The following FBXW8 variants were observed in gnomAD, a reference collection of about 807,000 sequenced individuals.
FBXW8 encodes F-box/WD repeat-containing protein 8.
In FBXW8, 57 loss-of-function variants were observed where a neutral mutation model predicts 65.3. That is an observed-to-expected ratio of 0.87 (90% CI 0.71 to 1.09). FBXW8 has a LOEUF of 1.09. FBXW8 is among the 50% of genes least tolerant of loss of function. FBXW8 has a pLI of 0.00. For synonymous variants in FBXW8, 308 were observed against 330.2 expected, an observed-to-expected ratio of 0.93 and a Z score of 0.73; for missense variants, 777 against 814.8, an observed-to-expected ratio of 0.95 and a Z score of 0.57.
At position 117,028,405 on chromosome 12, in the gene FBXW8, T is replaced by G; in HGVS notation, c.*233T>G. On this transcript the variant is annotated 3_prime_UTR_variant, in exon 11 of 11. Coordinates refer to ENST00000652555, the MANE Select transcript of FBXW8 (RefSeq NM_153348.3). This position sits in a 1 kb window ranked among gnomAD's most constrained non-coding sequence, Gnocchi z 4.1. Reference sequence around the variant, plus strand: ...TGCTGCCAACTCAAACATAGCCTCCTTCCCCACCCAGCTGGCCACCCTGGC... The same window carrying G: ...TGCTGCCAACTCAAACATAGCCTCCGTCCCCACCCAGCTGGCCACCCTGGC... The G allele has an allele frequency of 2.6e-5, 14 of 547,230 alleles. No individual in the cohort carries two copies. The highest frequency in any genetic ancestry group is 4.5e-5 in the Non-Finnish European group (14 of 307,960). 33.9% of individuals were successfully genotyped at this position (547,230 alleles called of 1,614,324 possible).
intron 5 of FBXW8, among the ~76,000 whole-genome samples, chr12:116,984,352 G>C (rs536210913): frequency 6.6e-6 from 1 of 152,170 alleles, no homozygotes; most frequent in Non-Finnish European, 1.5e-5. Context: ...CCTGGAGAAA[G>C]GGTGTGTGGC....
At chr12:117,016,208 T>C (rs1228816366) in intron 8 of FBXW8, among the ~76,000 whole-genome samples, 1 of 152,240 alleles carries the variant, frequency 6.6e-6, no homozygotes, top group African/African-American at 2.4e-5. Context: ...GCTTATGTGG[T>C]AATTCTGTGT....
intron 5 of FBXW8, among the ~76,000 whole-genome samples, chr12:116,974,559 A>G (rs78130098): frequency 3.0e-4 from 46 of 152,358 alleles, no homozygotes; most frequent in African/African-American, 1.1e-3. Context: ...ATAAACTTCC[A>G]TACTATTTTG....
At chr12:116,921,277 C>G (rs530872395) in intron 1 of FBXW8, among the ~76,000 whole-genome samples, 1 of 152,198 alleles carries the variant, frequency 6.6e-6, no homozygotes, top group South Asian at 2.1e-4. Flanking sequence ...TTATATCACC[C>G]GCACATGTGA....
At chr12:116,932,604 C>T (rs377015638) in intron 2 of FBXW8, among the ~76,000 whole-genome samples, 30 of 152,296 alleles carry the variant, frequency 2.0e-4, no homozygotes, top group Admixed American at 5.2e-4. Flanking sequence ...GGCGCGATCT[C>T]GGCTCACTGC....
chr12:116,928,221 TA>T, intron 2 of FBXW8, 94 bp downstream of exon 2: 1 of 833,984 alleles, frequency 1.2e-6, no homozygotes. Flanking sequence ...CACAGAATTA[TA>T]AACTTTGCAG....
At position 116,952,862 on chromosome 12, in the gene FBXW8, C is replaced by T. The variant is rs543235635; in HGVS notation, c.677+3156C>T. ...AAGCGATTCTCCTGCTTCAGCCTCCCGAGTAGCTGGGACTACGGGCGTGTG... is the reference window on the plus strand; with the variant it reads ...AAGCGATTCTCCTGCTTCAGCCTCCTGAGTAGCTGGGACTACGGGCGTGTG... On this transcript the variant is annotated intron_variant, in intron 4 of 10. Coordinates refer to ENST00000652555, the MANE Select transcript of FBXW8 (RefSeq NM_153348.3). Among the ~76,000 whole-genome samples the T allele has an allele frequency of 3.3e-5, 5 of 152,254 alleles. No homozygotes were observed. In the East Asian group the frequency reaches 5.8e-4, roughly 18 times the overall value.
intron 8 of FBXW8, among the ~76,000 whole-genome samples, chr12:117,017,652 A>G (rs887481945): frequency 1.3e-5 from 2 of 152,272 alleles, no homozygotes; most frequent in Admixed American, 1.3e-4. Context: ...TTAAAAAAAT[A>G]CTATTTTTAA....
In FBXW8 at chr12:117,028,125, ACTC is replaced by A; in HGVS notation, c.1751_1753del (p.Thr584_His585delinsAsn). ...CCGTTCATCCTGTGACGCCATGGCC[ACTC>A]ACTACTACGACCTCGCACTGGCCTT... On this transcript the variant is annotated inframe_deletion, in exon 11 of 11. Transcript: ENST00000652555. This position sits in a 1 kb window ranked among gnomAD's most constrained non-coding sequence, Gnocchi z 4.1. 2 of 1,614,094 alleles carry A rather than the reference ACTC, an allele frequency of 1.2e-6. No individual in the cohort carries two copies. The highest frequency in any genetic ancestry group is 4.5e-5 in the East Asian group (2 of 44,868).
chr12:116,912,171 G>GTTTTTTTTTTTTTT (rs57142470), intron 1 of FBXW8, among the ~76,000 whole-genome samples: 2 of 131,020 alleles, frequency 1.5e-5, no homozygotes, highest in Non-Finnish European at 3.3e-5. Context: ...TTTTTTTCCT[G>GTTTTTTTTTTTTTT]TTTTTTTTTT....
At chr12:116,973,151 G>A (rs536625918) in intron 5 of FBXW8, among the ~76,000 whole-genome samples, 3 of 152,112 alleles carry the variant, frequency 2.0e-5, no homozygotes, top group Non-Finnish European at 4.4e-5. Context: ...AGGAATATAT[G>A]AGTATATCAT....
chr12:116,946,032 A>G (rs1882908980), intron 3 of FBXW8, among the ~76,000 whole-genome samples: 6 of 152,226 alleles, frequency 3.9e-5, no homozygotes, highest in Admixed American at 3.9e-4. Context: ...CGGAAATATT[A>G]GATCACAGCT....
chr12:116,918,004 A>AC (rs398021233), intron 1 of FBXW8, among the ~76,000 whole-genome samples: 2 of 149,158 alleles, frequency 1.3e-5, no homozygotes, highest in East Asian at 2.0e-4. Context: ...AAAAAAAAAA[A>AC]CAAAAAAAAA....
intron 5 of FBXW8, among the ~76,000 whole-genome samples, chr12:116,982,554 C>T (rs1201715763): frequency 6.6e-6 from 1 of 151,180 alleles, no homozygotes; most frequent in Admixed American, 6.6e-5. Flanking sequence ...TAGGGGAAAT[C>T]GAAAAAGATG....
Position 117,028,981 on chromosome 12 carries a change from AC to A in FBXW8, c.*811del, listed in dbSNP as rs1954300800. 1 of 152,194 alleles carries A rather than the reference AC, an allele frequency of 6.6e-6. No individual in the cohort carries two copies. The highest frequency in any genetic ancestry group is 6.5e-5 in the Admixed American group (1 of 15,284). The allele number at this position is 152,194 out of a possible 1,614,324, so 9.4% of individuals were successfully genotyped here. On this transcript the variant is annotated 3_prime_UTR_variant, in exon 11 of 11. Coordinates refer to ENST00000652555, the MANE Select transcript of FBXW8 (RefSeq NM_153348.3). This position sits in a 1 kb window ranked among gnomAD's most constrained non-coding sequence, Gnocchi z 4.1. Reference sequence around the variant, plus strand: ...AACAGCAACAGCATCCACCTAATATACCTTCAGAATATCAAAGCGAAAACTG... The same window carrying A: ...AACAGCAACAGCATCCACCTAATATACTTCAGAATATCAAAGCGAAAACTG...
chr12:116,968,542 G>A (rs1884463296), intron 5 of FBXW8, among the ~76,000 whole-genome samples: 1 of 152,210 alleles, frequency 6.6e-6, no homozygotes, highest in South Asian at 2.1e-4. Flanking sequence ...AAGGACAGTT[G>A]TGTTGTGTTT....
intron 8 of FBXW8, among the ~76,000 whole-genome samples, chr12:117,012,459 C>T (rs1437608067): frequency 6.6e-6 from 1 of 152,006 alleles, no homozygotes. Flanking sequence ...AAGAATACTC[C>T]CTGAGTCAGG....
intron 1 of FBXW8, among the ~76,000 whole-genome samples, chr12:116,921,445 T>A (rs1318777222): frequency 6.6e-6 from 1 of 152,252 alleles, no homozygotes; most frequent in African/African-American, 2.4e-5. Flanking sequence ...CCAGCTTCTA[T>A]ATGGCTGGCT....
chr12:116,985,595 G>A, intron 6 of FBXW8, 193 bp downstream of exon 6: 1 of 573,410 alleles, frequency 1.7e-6, no homozygotes, highest in Non-Finnish European at 3.0e-6. Flanking sequence ...ACTTCAGGCT[G>A]CTTAGAGCAG....
Sources: allele counts gnomAD v4.1 joint callset (sites outside exome capture counted in the v4.1 genomes callset), GRCh38; gene constraint gnomAD v4.1.1; non-coding constraint Gnocchi (gnomAD v3.1); transcripts MANE v1.5; gene names NCBI Gene and HGNC (gene_info 2026-07-23, HGNC 2026-07-21).